The following MYH10 variants were observed in gnomAD, a reference collection of about 807,000 sequenced individuals.
The protein encoded by MYH10 is myosin heavy chain 10.
A neutral mutation model predicts 257.8 loss-of-function variants in MYH10; 55 were observed. The observed-to-expected ratio is 0.21, with a 90% CI of 0.17 to 0.27. The LOEUF is 0.27. Ranked by LOEUF, MYH10 falls within the 10% of genes least tolerant of loss-of-function variation. The pLI, the probability that MYH10 is intolerant of heterozygous loss-of-function variation, is 1.00. For synonymous variants in MYH10, 854 were observed against 921.7 expected (o/e 0.93, Z 1.33); for missense variants, 1,631 against 2,500.6 (o/e 0.65, Z 7.42).
chr17:8,524,531 A>C (rs2151910440), intron 17 of MYH10, among the ~76,000 whole-genome samples: 1 of 149,098 alleles, frequency 6.7e-6, no homozygotes, highest in East Asian at 2.0e-4. Flanking sequence ...TCTTAAACCC[A>C]AGCACAGATC....
chr17:8,588,088 C>G (rs956998530), intron 4 of MYH10, among the ~76,000 whole-genome samples: 11 of 152,102 alleles, frequency 7.2e-5, no homozygotes, highest in African/African-American at 1.2e-4. Context: ...CCTCATGCCC[C>G]TATGATGGGT....
intron 36 of MYH10, 81 bp downstream of exon 36, chr17:8,487,352 C>T (rs1171673016): frequency 1.9e-6 from 3 of 1,553,056 alleles, no homozygotes; most frequent in Admixed American, 1.7e-5. Flanking sequence ...CTGTGCCCCC[C>T]AGCTTCACTG....
intron 34 of MYH10, 72 bp downstream of exon 34, chr17:8,492,225 G>A (rs1000356110): frequency 2.5e-4 from 372 of 1,461,118 alleles, no homozygotes; most frequent in Non-Finnish European, 3.1e-4. Flanking sequence ...GGAGTCGCCC[G>A]CTCCTGTGTG....
At chr17:8,495,429 T>C (rs1489050779) in intron 30 of MYH10, among the ~76,000 whole-genome samples, 188 bp from the exon 31 acceptor site, 1 of 152,128 alleles carries the variant, frequency 6.6e-6, no homozygotes, top group East Asian at 1.9e-4. Context: ...AAGTAGGTAC[T>C]AGAACCTGCC....
At position 8,513,644 on chromosome 17, in the gene MYH10, C is replaced by T. The variant is rs147765876; in HGVS notation, c.2639G>A (p.Arg880His). The T allele has an allele frequency of 3.7e-6, 6 of 1,613,804 alleles. No homozygotes were observed. The highest frequency in any genetic ancestry group is 1.3e-5 in the African/African-American group (1 of 74,860). ...TTTGGCCTGAAGTTCTTCCTCCTGG[C>T]GAGTCACTTGTAGAAGCGGCTTCAC... ...TKVKPLLQVTRQEEELQAKDE... is the reference protein window; with the variant it reads ...TKVKPLLQVTHQEEELQAKDE... The change falls in exon 23 of 43, where the codon CGC becomes CAC. Residue 880 changes from arginine to histidine, a missense_variant. Physicochemically the swap from Arg to His is conservative, Grantham distance 29 (BLOSUM62 0). Coordinates refer to ENST00000360416, the MANE Select transcript of MYH10 (RefSeq NM_001256012.3).
At chr17:8,618,528 T>C (rs1168062782) in intron 2 of MYH10, among the ~76,000 whole-genome samples, 3 of 152,240 alleles carry the variant, frequency 2.0e-5, no homozygotes, top group Non-Finnish European at 4.4e-5. Context: ...CGTTAGTCAC[T>C]GCGACTGGCC....
intron 24 of MYH10, among the ~76,000 whole-genome samples, chr17:8,511,859 A>G (rs2081308807): frequency 1.3e-5 from 2 of 152,320 alleles, no homozygotes; most frequent in South Asian, 4.1e-4. Context: ...CCCAGACATC[A>G]TATTTCACTT....
Position 8,506,276 on chromosome 17 carries a change from G to T in MYH10, c.3386+42C>A. On this transcript the variant is annotated intron_variant, in intron 27 of 42. Transcript: ENST00000360416. The surrounding 1 kb of genome is among the most constrained non-coding windows in gnomAD (Gnocchi z 5.0). ...ACATAACAAAGTCTGCTGAAACTCA[G>T]CCCCATGGGCTCCCGTGCAGCGCAG... The T allele has an allele frequency of 6.5e-7, 1 of 1,527,806 alleles. No individual in the cohort carries two copies. Among genetic ancestry groups the T allele is most frequent in the South Asian group, 1.3e-5 (1 of 75,314 alleles). The allele number at this position is 1,527,806 out of a possible 1,614,324, so 94.6% of individuals were successfully genotyped here. A position where few individuals can be genotyped will look rare whatever the true frequency, so the allele number is the denominator to read the frequency against.
At position 8,521,289 on chromosome 17, in the gene MYH10, G is replaced by C. The variant is rs1160710583; in HGVS notation, c.1958-4C>G. On this transcript the variant is annotated splice_polypyrimidine_tract_variant and splice_region_variant and intron_variant, in intron 17 of 42. Coordinates refer to ENST00000360416, the MANE Select transcript of MYH10 (RefSeq NM_001256012.3). ...TCCAGACCCACGATACGGTCCACTG[G>C]GGAGAAGAAAGGAGAAAACAAATAT... The C allele has an allele frequency of 1.2e-6, 2 of 1,613,682 alleles. No individual in the cohort carries two copies. Among genetic ancestry groups the C allele is most frequent in the East Asian group, 2.2e-5 (1 of 44,880 alleles).
intron 4 of MYH10, among the ~76,000 whole-genome samples, chr17:8,578,772 G>A (rs1194383121): frequency 2.6e-5 from 4 of 151,988 alleles, no homozygotes; most frequent in East Asian, 1.9e-4. Context: ...CCCCTAAGAC[G>A]TGATCAAAGC....
At chr17:8,612,709 G>C (rs1416313990) in intron 2 of MYH10, among the ~76,000 whole-genome samples, 1 of 152,040 alleles carries the variant, frequency 6.6e-6, no homozygotes, top group Admixed American at 6.5e-5. Flanking sequence ...AAATTAGCCA[G>C]GCGTGGTGGC....
At position 8,487,578 on chromosome 17, in the gene MYH10, G is replaced by A. The variant is rs762847560; in HGVS notation, c.4901C>T (p.Ala1634Val). The A allele has an allele frequency of 1.4e-5, 23 of 1,613,986 alleles. No homozygotes were observed. The highest frequency in any genetic ancestry group is 6.7e-5 in the Admixed American group (4 of 60,000). ...CTGTTTCCTCTCATCCTCCAGCTCC[G>A]CCTCGAGCTCCCGCACCTAATGGAC... The part of the protein sequence containing the change: ...LLIKQVRELE[A>V]ELEDERKQRA... Residue 1634 changes from alanine (A) to valine (V), a missense_variant, in exon 36 of 43, where the codon GCG (alanine) becomes GTG (valine). Physicochemically the swap from Ala to Val is moderately conservative, Grantham distance 64. Coordinates refer to ENST00000360416, the MANE Select transcript of MYH10 (RefSeq NM_001256012.3).
chr17:8,585,238 ATATGTGTATATATC>A (rs2083859252), intron 4 of MYH10, among the ~76,000 whole-genome samples: 2 of 9,842 alleles, frequency 2.0e-4, no homozygotes, highest in African/African-American at 2.3e-4. Context: ...GTGTGTGTAT[ATATGTGTATATATC>A]TATATATGTG....
intron 10 of MYH10, 41 bp downstream of exon 10, chr17:8,548,603 T>C (rs766822955): frequency 6.2e-7 from 1 of 1,607,560 alleles, no homozygotes; most frequent in Non-Finnish European, 8.5e-7. Context: ...GTATAAGTCT[T>C]AGGAAAGTGA....
At chr17:8,606,573 A>C (rs2084818421) in intron 2 of MYH10, among the ~76,000 whole-genome samples, 1 of 152,192 alleles carries the variant, frequency 6.6e-6, no homozygotes, top group Non-Finnish European at 1.5e-5. Context: ...AAAGCTCTCC[A>C]GAGACTACTC....
At position 8,512,610 on chromosome 17, in the gene MYH10, A is replaced by G. The variant is rs2081336616; in HGVS notation, c.2793T>C (p.Thr931=). 2 of 1,613,436 alleles carry G rather than the reference A, an allele frequency of 1.2e-6. No individual in the cohort carries two copies. The highest frequency in any genetic ancestry group is 1.7e-6 in the Non-Finnish European group (2 of 1,179,964). ...NILAEQLQAE[T]ELFAEAEEMR... is the part of the protein sequence containing the mutation. ...TCTCTTCTGCTTCAGCAAAGAGCTC[A>G]GTCTCTGCTTGTAGTTGTTCTGCAA... Residue 931 remains threonine (T), a synonymous_variant, in exon 24 of 43, where the codon ACT becomes ACC. Transcript: ENST00000360416.
chr17:8,606,498 A>G (rs1263489874), intron 2 of MYH10, among the ~76,000 whole-genome samples: 1 of 152,236 alleles, frequency 6.6e-6, no homozygotes, highest in African/African-American at 2.4e-5. Flanking sequence ...CCCAGGGAAC[A>G]CTAAGGGGGA....
In MYH10 at chr17:8,554,926, C is replaced by T. The variant is rs143313784; in HGVS notation, c.757-908G>A. 5.4e-4 allele frequency among the ~76,000 whole-genome samples: 82 copies of T among 152,312 alleles called. 1 individual carries two copies. The East Asian group carries it at 0.015, about 28-fold the overall frequency. On this transcript the variant is annotated intron_variant, in intron 7 of 42. Transcript: ENST00000360416. The stretch of plus-strand genomic sequence containing the variant: ...TGAGATCGCGCCACTGCACTCCAGC[C>T]TGGGTGACAGAGCGAGACTCCATCT...
chr17:8,476,740 T>G, intron 42 of MYH10, 136 bp downstream of exon 42: 8 of 1,019,532 alleles, frequency 7.8e-6, no homozygotes, highest in Non-Finnish European at 1.1e-5. Context: ...TCAGAAATCT[T>G]AAATGAAGTG....
Sources: allele counts gnomAD v4.1 joint callset (sites outside exome capture counted in the v4.1 genomes callset), GRCh38; gene constraint gnomAD v4.1.1; non-coding constraint Gnocchi (gnomAD v3.1); transcripts MANE v1.5; gene names NCBI Gene and HGNC (gene_info 2026-07-23, HGNC 2026-07-21).